The following SLC8A1 variants were observed in gnomAD, a reference collection of about 807,000 sequenced individuals.
The protein encoded by SLC8A1 is sodium/calcium exchanger 1.
A neutral mutation model predicts 68.3 loss-of-function variants in SLC8A1; 18 were observed. That is an observed-to-expected ratio of 0.26 (90% CI 0.18 to 0.39). The LOEUF (loss-of-function observed/expected upper bound fraction) is 0.39, where lower values mean the gene tolerates loss of function less well. SLC8A1 is among the 10% of genes least tolerant of loss of function. The pLI is 1.00. For missense variants in SLC8A1, 985 were observed against 1,156.7 expected (o/e 0.85, Z 2.15); for synonymous variants, 475 against 415.5 (o/e 1.14, Z -1.74).
At chr2:40,476,983 T>C (rs976431418) in intron 1 of SLC8A1, among the ~76,000 whole-genome samples, 3 of 152,210 alleles carry the variant, frequency 2.0e-5, no homozygotes, top group African/African-American at 7.2e-5. Context: ...ATAAGAGTTA[T>C]TGGATTTTCT....
chr2:40,368,762 C>A (rs966650727), intron 2 of SLC8A1, among the ~76,000 whole-genome samples: 22 of 151,666 alleles, frequency 1.5e-4, no homozygotes, highest in African/African-American at 5.1e-4. Context: ...ATGTGTTGTT[C>A]CCCTCTATGT....
intron 7 of SLC8A1, among the ~76,000 whole-genome samples, chr2:40,126,321 G>T (rs911160995): frequency 3.3e-5 from 5 of 152,164 alleles, no homozygotes; most frequent in African/African-American, 1.2e-4. Flanking sequence ...TTATGTGTGT[G>T]TGTTAAATGC....
chr2:40,179,897 T>C lies in SLC8A1; in HGVS notation c.1809-2042A>G, dbSNP rs1301526140. Among the ~76,000 whole-genome samples, 3 of 152,226 alleles carry C rather than the reference T, an allele frequency of 2.0e-5. No individual in the cohort carries two copies. The East Asian group carries it at 5.8e-4, about 29-fold the overall frequency. Reference sequence around the variant, plus strand: ...AGTCTTGCTTTTTGGCTTAGCATTGTAGACCTGAGACCAAATGATTGGTTC... The same window carrying C: ...AGTCTTGCTTTTTGGCTTAGCATTGCAGACCTGAGACCAAATGATTGGTTC... On this transcript the variant is annotated intron_variant, in intron 2 of 7. Coordinates refer to ENST00000406785, the Ensembl canonical transcript of SLC8A1.
At chr2:40,139,285 C>G in intron 7 of SLC8A1, 116 bp downstream of exon 10, 2 of 1,163,704 alleles carry the variant, frequency 1.7e-6, no homozygotes, top group Non-Finnish European at 2.4e-6. Context: ...TCAGGGCTCT[C>G]GTCTTTCATA....
At chr2:40,439,033 T>C (rs1700002202) in intron 1 of SLC8A1, among the ~76,000 whole-genome samples, 1 of 152,052 alleles carries the variant, frequency 6.6e-6, no homozygotes, top group South Asian at 2.1e-4. Context: ...GCTTTCCCTC[T>C]CACAGACTGG....
chr2:40,412,668 A>G (rs918210995), intron 2 of SLC8A1, among the ~76,000 whole-genome samples: 27 of 152,318 alleles, frequency 1.8e-4, no homozygotes, highest in African/African-American at 6.0e-4. Flanking sequence ...AATTCCTGCT[A>G]TATTCACTGG....
chr2:40,211,486 C>G (rs937285539), intron 2 of SLC8A1, among the ~76,000 whole-genome samples: 2 of 152,008 alleles, frequency 1.3e-5, no homozygotes, highest in African/African-American at 2.4e-5. Context: ...GGAAATTTAG[C>G]AAAGGAAAGA....
chr2:40,428,446 C>G, intron 2 of SLC8A1, 27 bp downstream of exon 2: 1 of 1,504,228 alleles, frequency 6.6e-7, no homozygotes, highest in Non-Finnish European at 8.9e-7. Context: ...CACACACACA[C>G]ACACACATAT....
chr2:40,184,531 GCA>G (rs1319783005), intron 2 of SLC8A1, among the ~76,000 whole-genome samples: 2 of 152,156 alleles, frequency 1.3e-5, no homozygotes, highest in Non-Finnish European at 2.9e-5. Context: ...TTACACTCAT[GCA>G]CAGTGATTTC....
intron 2 of SLC8A1, among the ~76,000 whole-genome samples, chr2:40,414,687 A>G (rs1048587222): frequency 2.0e-5 from 3 of 152,150 alleles, no homozygotes; most frequent in Non-Finnish European, 4.4e-5. Flanking sequence ...TACTTTTTCA[A>G]TAACTCTTCT....
intron 2 of SLC8A1, among the ~76,000 whole-genome samples, chr2:40,203,119 T>G (rs989770272): frequency 6.6e-6 from 1 of 151,944 alleles, no homozygotes; most frequent in African/African-American, 2.4e-5. Flanking sequence ...TGACAGACTT[T>G]CCCTATTCTC....
chr2:40,301,425 A>C (rs1246607912), intron 2 of SLC8A1, among the ~76,000 whole-genome samples: 1 of 152,244 alleles, frequency 6.6e-6, no homozygotes, highest in African/African-American at 2.4e-5. Flanking sequence ...AACTGTCTTC[A>C]AAGTTTCAGG....
intron 3 of SLC8A1, 53 bp from the exon 4 acceptor site, chr2:40,175,334 T>C: frequency 6.4e-7 from 1 of 1,567,630 alleles, no homozygotes; most frequent in South Asian, 1.1e-5. Context: ...AGATGAATAA[T>C]GAAAGTAAGA....
At chr2:40,308,786 C>A (rs1392175572) in intron 2 of SLC8A1, among the ~76,000 whole-genome samples, 1 of 152,164 alleles carries the variant, frequency 6.6e-6, no homozygotes. Context: ...ATTAGCTCCA[C>A]TGAGAACGCT....
chr2:40,161,852 C>G (rs550799194), intron 5 of SLC8A1, among the ~76,000 whole-genome samples: 43 of 152,292 alleles, frequency 2.8e-4, no homozygotes, highest in Middle Eastern at 3.4e-3. Context: ...AGGCAGAAAA[C>G]ACATTATTTG....
intron 2 of SLC8A1, among the ~76,000 whole-genome samples, chr2:40,381,787 C>A (rs1180427746): frequency 6.6e-6 from 1 of 151,360 alleles, no homozygotes; most frequent in African/African-American, 2.4e-5. Context: ...CTGAAACTTT[C>A]CAGATCACCA....
intron 1 of SLC8A1, among the ~76,000 whole-genome samples, chr2:40,460,773 A>G (rs988720833): frequency 6.6e-6 from 1 of 151,968 alleles, no homozygotes; most frequent in African/African-American, 2.4e-5. Flanking sequence ...GGGTTTTACC[A>G]TGTTGGCCAG....
chr2:40,334,624 G>A (rs1249076631), intron 2 of SLC8A1, among the ~76,000 whole-genome samples: 1 of 152,124 alleles, frequency 6.6e-6, no homozygotes, highest in Non-Finnish European at 1.5e-5. Context: ...CAGGAATCAT[G>A]CCCTTAAAAT....
At chr2:40,124,132 T>C (rs1377231223) in intron 7 of SLC8A1, among the ~76,000 whole-genome samples, 3 of 152,196 alleles carry the variant, frequency 2.0e-5, no homozygotes, top group Non-Finnish European at 2.9e-5. Flanking sequence ...AAGGATCAGA[T>C]AGAGAAACTG....
Sources: gnomAD v4.1 joint callset for allele counts (sites outside exome capture counted in the v4.1 genomes callset) on GRCh38, gnomAD v4.1.1 for gene constraint, MANE v1.5 for transcripts, NCBI Gene and HGNC (gene_info 2026-07-23, HGNC 2026-07-21) for gene names.